NPIPB8: variants seen among roughly 807,000 people sequenced by gnomAD.
NPIPB8 encodes the protein nuclear pore complex-interacting protein family member B8.
NPIPB8 carries 3 observed loss-of-function variants against 5.3 expected under a neutral mutation model. The ratio of observed to expected loss-of-function variants is 0.57; its 90% CI spans 0.26 to 1.47. The LOEUF is 1.47. Among genes scored for constraint, NPIPB8 ranks in the 40% most tolerant of loss-of-function variants. The pLI is 0.13. For synonymous variants in NPIPB8, 18 were observed against 23.0 expected (o/e 0.78, Z 0.62); for missense variants, 50 against 50.2 (o/e 1.00, Z 0.01).
At chr16:28,644,547 C>T in intron 2 of NPIPB8, 1 of 1,474,596 alleles carries the variant, frequency 6.8e-7, no homozygotes, top group South Asian at 1.2e-5. Flanking sequence ...GCCACCTCCA[C>T]CTCTGTCCTG....
intron 3 of NPIPB8, among the ~76,000 whole-genome samples, chr16:28,651,603 CT>C (rs1406340985): frequency 8.7e-5 from 2 of 22,996 alleles, no homozygotes; most frequent in African/African-American, 4.1e-4. Flanking sequence ...TCATGTCATT[CT>C]TGTGTGTGTG....
rs35184893 is a variant in NPIPB8 at position 28,638,466 on chromosome 16, G to A, written c.106G>A (p.Glu36Lys). 497,932 of 1,327,500 alleles carry A rather than the reference G, an allele frequency of 0.38. 132,474 individuals carry two copies. Among genetic ancestry groups the A allele is most frequent in the African/African-American group, 0.66 (45,916 of 69,330 alleles). 82.2% of individuals were successfully genotyped at this position (1,327,500 alleles called of 1,614,324 possible). The change falls in exon 2 of 8, where the codon GAG becomes AAG. Residue 36 changes from glutamate (E) to lysine (K), a missense_variant. Physicochemically the swap from Glu to Lys is moderately conservative, Grantham distance 56 (BLOSUM62 1). Transcript: ENST00000683297. ...TGTAAAGTCAGTGACATGCCCATGC[G>A]AGTACCTGAGGAAGGTGAGTGAGTG... Reference protein sequence around the residue: ...QHVKSVTCPCEYLRKVINSLA... With the variant: ...QHVKSVTCPCKYLRKVINSLA...
intron 2 of NPIPB8, among the ~76,000 whole-genome samples, chr16:28,639,191 A>G (rs1240667699): frequency 2.7e-5 from 4 of 146,740 alleles, no homozygotes; most frequent in Non-Finnish European, 6.0e-5. Context: ...TATGTTCTAT[A>G]ATTTTGAATA....
chr16:28,640,404 T>C (rs1327925874), intron 2 of NPIPB8, among the ~76,000 whole-genome samples: 1 of 152,136 alleles, frequency 6.6e-6, no homozygotes, highest in Non-Finnish European at 1.5e-5. Context: ...ATAGGAGCTG[T>C]CAGTTGCTCC....
intron 2 of NPIPB8, chr16:28,644,530 G>A (rs1652384333): frequency 3.8e-6 from 5 of 1,312,550 alleles, no homozygotes; most frequent in East Asian, 3.8e-5. Context: ...CCTCCCCCCT[G>A]CCCTAAGCCA....
intron 2 of NPIPB8, chr16:28,644,581 G>A (rs745485280): frequency 1.8e-5 from 28 of 1,532,618 alleles, no homozygotes; most frequent in Non-Finnish European, 2.4e-5. Flanking sequence ...GCCCTGAAAG[G>A]ACCAGGACAT....
chr16:28,638,075 T>C lies in NPIPB8; in HGVS notation c.-114T>C, dbSNP rs567088246. ...AAATGACTTGGATGTTTTATAGGTA[T>C]GATCTCATGAAACCTTGAGAGAAAC... On this transcript the variant is annotated 5_prime_UTR_variant, in exon 1 of 8. It removes an upstream start codon present in the reference 5' UTR. Transcript: ENST00000683297. 6.4e-4 allele frequency: 458 copies of C among 712,810 alleles called. 10 individuals are homozygous for C. In the South Asian group the frequency reaches 8.3e-3, roughly 13 times the overall value. 44.2% of individuals were successfully genotyped at this position (712,810 alleles called of 1,614,324 possible). A position where few individuals can be genotyped will look rare whatever the true frequency, so the allele number is the denominator to read the frequency against.
intron 2 of NPIPB8, among the ~76,000 whole-genome samples, chr16:28,643,007 T>A (rs2047932817): frequency 6.6e-6 from 1 of 152,176 alleles, no homozygotes; most frequent in African/African-American, 2.4e-5. Context: ...GAAGTTTAGC[T>A]GAGGACAGGG....
At chr16:28,639,205 G>A (rs952082972) in intron 2 of NPIPB8, among the ~76,000 whole-genome samples, 1 of 144,876 alleles carries the variant, frequency 6.9e-6, no homozygotes, top group East Asian at 2.0e-4. Context: ...TTGAATAAAA[G>A]AATTAACCAC....
In NPIPB8 at chr16:28,638,384, G is replaced by A; in HGVS notation, c.24G>A (p.Leu8=). The part of the protein sequence containing the change: MVKLSIV[L]TPQFLSHDQG... ...AAATGGTGAAGCTCTCTATTGTCCT[G>A]ACCCCACAGTTCCTGTCCCATGACC... Residue 8 remains leucine (L), a synonymous_variant, in exon 2 of 8, where the codon CTG becomes CTA. Coordinates refer to ENST00000683297, the MANE Select transcript of NPIPB8 (RefSeq NM_001310136.2). 1 of 1,568,296 alleles carries A rather than the reference G, an allele frequency of 6.4e-7. No individual in the cohort carries two copies. Among genetic ancestry groups the A allele is most frequent in the Non-Finnish European group, 8.6e-7 (1 of 1,164,414 alleles).
chr16:28,640,135 C>A (rs1174759507), intron 2 of NPIPB8, among the ~76,000 whole-genome samples: 3 of 151,796 alleles, frequency 2.0e-5, no homozygotes, highest in Non-Finnish European at 4.4e-5. Flanking sequence ...GGAACTGAAA[C>A]CTATGTGTGT....
chr16:28,644,777 T>C (rs2047970204), intron 2 of NPIPB8: 1 of 455,870 alleles, frequency 2.2e-6, no homozygotes, highest in African/African-American at 3.6e-5. Context: ...GGCAGATCAC[T>C]TGAGTCCAGG....
At chr16:28,638,866 CA>C (rs1419418048) in intron 2 of NPIPB8, among the ~76,000 whole-genome samples, 3 of 148,798 alleles carry the variant, frequency 2.0e-5, no homozygotes, top group Non-Finnish European at 4.4e-5. Flanking sequence ...GCCAGGACTT[CA>C]AGACCAGCCT....
intron 1 of NPIPB8, 61 bp from the exon 2 acceptor site, chr16:28,638,262 C>A: frequency 2.0e-6 from 3 of 1,533,344 alleles, no homozygotes; most frequent in Non-Finnish European, 2.6e-6. Flanking sequence ...CCACTATAGA[C>A]TCAAACATCA....
chr16:28,642,952 A>T (rs1482105220), intron 2 of NPIPB8, among the ~76,000 whole-genome samples: 1 of 152,220 alleles, frequency 6.6e-6, no homozygotes, highest in Non-Finnish European at 1.5e-5. Flanking sequence ...CAGAGGCCTG[A>T]GAGAGTTTGG....
At chr16:28,644,783 C>T in intron 2 of NPIPB8, 1 of 433,272 alleles carries the variant, frequency 2.3e-6, no homozygotes, top group Middle Eastern at 7.0e-4. Context: ...TCACTTGAGT[C>T]CAGGAGTTGA....
At chr16:28,638,742 GC>G (rs1387342153) in intron 2 of NPIPB8, among the ~76,000 whole-genome samples, 1 of 150,414 alleles carries the variant, frequency 6.6e-6, no homozygotes, top group Non-Finnish European at 1.5e-5. Flanking sequence ...CCAGACAAGT[GC>G]CCAACGACAC....
intron 2 of NPIPB8, among the ~76,000 whole-genome samples, chr16:28,642,211 T>C (rs931380137): frequency 2.6e-5 from 4 of 151,250 alleles, no homozygotes; most frequent in African/African-American, 9.7e-5. Flanking sequence ...GCCCAAGGGA[T>C]TGTCCTGCCT....
intron 2 of NPIPB8, among the ~76,000 whole-genome samples, chr16:28,645,236 C>A (rs1367796795): frequency 8.7e-6 from 1 of 115,054 alleles, no homozygotes; most frequent in Non-Finnish European, 1.9e-5. Context: ...TCACCATGTT[C>A]GCCAGGATAG....
Sources: gnomAD v4.1 joint callset for allele counts (sites outside exome capture counted in the v4.1 genomes callset) on GRCh38, gnomAD v4.1.1 for gene constraint, MANE v1.5 for transcripts, NCBI Gene and HGNC (gene_info 2026-07-23, HGNC 2026-07-21) for gene names.